DCHS2: variants seen among roughly 807,000 people sequenced by gnomAD.
DCHS2 encodes dachsous cadherin-related 2.
DCHS2 carries 142 observed loss-of-function variants against 182.4 expected under a neutral mutation model. The ratio of observed to expected loss-of-function variants is 0.78; its 90% CI spans 0.68 to 0.89. The LOEUF is 0.89. DCHS2 is among the 40% of genes least tolerant of loss of function. The probability of loss-of-function intolerance (pLI) is 0.00; values close to 1 mark genes in which losing one functional copy is unlikely to be tolerated. For missense variants in DCHS2, 4,319 were observed against 4,198.6 expected, an observed-to-expected ratio of 1.03 and a Z score of -0.79; for synonymous variants, 1,740 against 1,663.3, an observed-to-expected ratio of 1.05 and a Z score of -1.12.
intron 1 of DCHS2, among the ~76,000 whole-genome samples, chr4:154,430,813 A>G (rs1051723848): frequency 1.2e-4 from 18 of 152,034 alleles, no homozygotes; most frequent in Admixed American, 4.6e-4. Flanking sequence ...TTCCAGCACC[A>G]TTTTTTACAA....
intron 3 of DCHS2, among the ~76,000 whole-genome samples, chr4:154,360,837 T>C (rs1730085499): frequency 6.6e-6 from 1 of 152,106 alleles, no homozygotes; most frequent in South Asian, 2.1e-4. Context: ...CAATTACTTG[T>C]TTTTCTGTAG....
At chr4:154,422,263 G>A (rs1161073752) in intron 1 of DCHS2, among the ~76,000 whole-genome samples, 1 of 152,092 alleles carries the variant, frequency 6.6e-6, no homozygotes, top group East Asian at 1.9e-4. Flanking sequence ...TTTATCACCT[G>A]TCCAGCACAT....
chr4:154,416,597 A>G (rs1732841890), intron 1 of DCHS2, among the ~76,000 whole-genome samples: 1 of 152,138 alleles, frequency 6.6e-6, no homozygotes, highest in Admixed American at 6.6e-5. Flanking sequence ...TCAAGACTTG[A>G]GACTTTGATT....
At chr4:154,471,731 T>G (rs112857004) in intron 1 of DCHS2, among the ~76,000 whole-genome samples, 5 of 152,036 alleles carry the variant, frequency 3.3e-5, no homozygotes, top group Non-Finnish European at 5.9e-5. Flanking sequence ...TTCTCTAAAC[T>G]TTAGAGAATG....
intron 1 of DCHS2, among the ~76,000 whole-genome samples, chr4:154,464,956 A>G (rs151087877): frequency 1.4e-4 from 22 of 152,332 alleles, no homozygotes; most frequent in African/African-American, 5.3e-4. Context: ...TAGTCTCCCC[A>G]GGTTTCCTAA....
Position 154,454,707 on chromosome 4 carries a change from G to A in DCHS2, c.2052+34597C>T, listed in dbSNP as rs561652889. On this transcript the variant is annotated intron_variant, in intron 1 of 19. Coordinates refer to ENST00000357232, the MANE Select transcript of DCHS2 (RefSeq NM_001358235.2). Reference sequence around the variant, plus strand: ...CCAGTACTACTTCAAGGCTATAAACGAGGCTCCCCAGAGTCCACAAAATGT... The same window carrying A: ...CCAGTACTACTTCAAGGCTATAAACAAGGCTCCCCAGAGTCCACAAAATGT... 5.3e-5 allele frequency among the ~76,000 whole-genome samples: 8 copies of A among 152,154 alleles called. No homozygotes were observed. The South Asian group carries it at 1.2e-3, about 24-fold the overall frequency.
intron 1 of DCHS2, among the ~76,000 whole-genome samples, chr4:154,456,974 T>C (rs1734795350): frequency 6.6e-6 from 1 of 152,174 alleles, no homozygotes; most frequent in Admixed American, 6.6e-5. Flanking sequence ...ACCTGTAACA[T>C]GTACATACTA....
intron 1 of DCHS2, among the ~76,000 whole-genome samples, chr4:154,472,207 T>C (rs974568381): frequency 6.6e-6 from 1 of 152,222 alleles, no homozygotes; most frequent in Non-Finnish European, 1.5e-5. Flanking sequence ...TTTTCTCTTC[T>C]ATACTTTATC....
chr4:154,455,198 T>G (rs1238697941), intron 1 of DCHS2, among the ~76,000 whole-genome samples: 1 of 152,224 alleles, frequency 6.6e-6, no homozygotes, highest in Non-Finnish European at 1.5e-5. Context: ...GTTCATAACA[T>G]CTGATTTCCT....
Position 154,491,162 on chromosome 4 carries a change from T to C in DCHS2, c.194A>G (p.Gln65Arg), listed in dbSNP as rs778467895. Residue 65 changes from glutamine to arginine, a missense_variant, in exon 1 of 20, where the codon CAG becomes CGG. Gln to Arg is a conservative substitution (Grantham distance 43). Transcript: ENST00000357232. ...WLWAASGSSA[Q>R]LFNLTLSVDE... ...TACGGAAAGGGTGAGGTTGAACAACTGGGCAGAGGAGCCCGAGGCCGCCCA... is the reference window on the plus strand; with the variant it reads ...TACGGAAAGGGTGAGGTTGAACAACCGGGCAGAGGAGCCCGAGGCCGCCCA... 176 of 1,551,080 alleles carry C rather than the reference T, an allele frequency of 1.1e-4. No individual in the cohort carries two copies. The highest frequency in any genetic ancestry group is 1.4e-4 in the Non-Finnish European group (164 of 1,146,784).
chr4:154,338,181 T>C (rs1404451950), intron 3 of DCHS2, among the ~76,000 whole-genome samples: 2 of 152,216 alleles, frequency 1.3e-5, no homozygotes, highest in Non-Finnish European at 2.9e-5. Flanking sequence ...ATGCCTTACT[T>C]AATTACCGGT....
chr4:154,416,758 G>A (rs1430225168), intron 1 of DCHS2, among the ~76,000 whole-genome samples: 1 of 152,194 alleles, frequency 6.6e-6, no homozygotes, highest in African/African-American at 2.4e-5. Flanking sequence ...TTTCCCCGGT[G>A]CTGCTTGTTT....
chr4:154,256,492 C>T (rs1052098767), intron 15 of DCHS2, among the ~76,000 whole-genome samples: 8 of 152,016 alleles, frequency 5.3e-5, no homozygotes, highest in South Asian at 4.2e-4. Context: ...AGATTTAGTG[C>T]TAAGAAGTGT....
At chr4:154,256,252 T>C (rs1732659610) in intron 15 of DCHS2, among the ~76,000 whole-genome samples, 1 of 152,162 alleles carries the variant, frequency 6.6e-6, no homozygotes, top group African/African-American at 2.4e-5. Context: ...GCTTAAGTGA[T>C]CCTCCCACTT....
At chr4:154,321,346 G>GA (rs1169133027) in intron 8 of DCHS2, 124 bp from the exon 9 acceptor site, 1 of 1,072,048 alleles carries the variant, frequency 9.3e-7, no homozygotes, top group Non-Finnish European at 1.2e-6. Context: ...TAATTAGTGA[G>GA]AAAAATGTCA....
chr4:154,334,962 A>G lies in DCHS2; in HGVS notation c.2619T>C (p.Pro873=). ...TGTACTTAGGCCTTTCAAACTCAGC[A>G]GGTGCCAGAGTTGTCTGGAAAATGT... ...TIHIFQTTLA[P]AEFERPKYTF... Residue 873 remains proline, a synonymous_variant, in exon 4 of 20, where the codon CCT becomes CCC. Coordinates refer to ENST00000357232, the MANE Select transcript of DCHS2 (RefSeq NM_001358235.2). 1 of 1,614,210 alleles carries G rather than the reference A, an allele frequency of 6.2e-7. No homozygotes were observed. Among genetic ancestry groups the G allele is most frequent in the Non-Finnish European group, 8.5e-7 (1 of 1,180,012 alleles).
At chr4:154,420,246 C>CAGACAGACAGACAGACAGAT (rs1553950394) in intron 1 of DCHS2, among the ~76,000 whole-genome samples, 14 of 144,852 alleles carry the variant, frequency 9.7e-5, no homozygotes, top group Non-Finnish European at 1.4e-4. Flanking sequence ...GACAGACAGA[C>CAGACAGACAGACAGACAGAT]AGATAGATAG....
chr4:154,471,141 TG>T (rs1240156112), intron 1 of DCHS2, among the ~76,000 whole-genome samples: 29 of 152,318 alleles, frequency 1.9e-4, no homozygotes, highest in African/African-American at 6.7e-4. Flanking sequence ...ACCATTGCCA[TG>T]TGGGTTCAGG....
rs1211291454 is a variant in DCHS2 at position 154,316,005 on chromosome 4, G to C, written c.5021-18C>G. ...TAGTAAGCCTGTTTTGAAAATGGAA[G>C]AAAAGCAACATGTAATGAATATTCT... On this transcript the variant is annotated intron_variant, in intron 9 of 19. Transcript: ENST00000357232. 3 of 1,612,046 alleles carry C rather than the reference G, an allele frequency of 1.9e-6. No homozygotes were observed. The highest frequency in any genetic ancestry group is 1.7e-6 in the Non-Finnish European group (2 of 1,178,496).
Sources: gnomAD v4.1 joint callset for allele counts (sites outside exome capture counted in the v4.1 genomes callset) on GRCh38, gnomAD v4.1.1 for gene constraint, MANE v1.5 for transcripts, NCBI Gene and HGNC (gene_info 2026-07-23, HGNC 2026-07-21) for gene names.